ELMO1: variants seen among roughly 807,000 people sequenced by gnomAD.
ELMO1 encodes engulfment and cell motility protein 1.
In ELMO1, 26 loss-of-function variants were observed where a neutral mutation model predicts 98.9. The observed-to-expected ratio is 0.26, with a 90% CI of 0.19 to 0.36. The LOEUF is 0.36. Ranked by LOEUF, ELMO1 falls within the 10% of genes least tolerant of loss-of-function variation. ELMO1 has a pLI of 1.00. For synonymous variants in ELMO1, 346 were observed against 346.0 expected (o/e 1.00, Z 0.00); for missense variants, 627 against 935.2 (o/e 0.67, Z 4.30).
intron 10 of ELMO1, among the ~76,000 whole-genome samples, chr7:37,217,023 C>A (rs1355364497): frequency 6.6e-6 from 1 of 152,216 alleles, no homozygotes; most frequent in African/African-American, 2.4e-5. Context: ...AAAGCCTCAT[C>A]ATCTTTTATT....
intron 1 of ELMO1, among the ~76,000 whole-genome samples, chr7:37,377,244 A>C (rs534097506): frequency 2.0e-5 from 3 of 152,260 alleles, no homozygotes; most frequent in South Asian, 2.1e-4. Flanking sequence ...CTGAACCCCC[A>C]AAAATCTTAA....
intron 1 of ELMO1, among the ~76,000 whole-genome samples, chr7:37,381,362 A>AC (rs1802573029): frequency 6.6e-6 from 1 of 152,072 alleles, no homozygotes; most frequent in African/African-American, 2.4e-5. Context: ...AATTATTTAA[A>AC]CCCCCTAGAT....
At chr7:37,081,141 T>C (rs945137923) in intron 15 of ELMO1, among the ~76,000 whole-genome samples, 3 of 152,234 alleles carry the variant, frequency 2.0e-5, no homozygotes, top group Non-Finnish European at 2.9e-5. Context: ...GTGTATTTAC[T>C]GAGCAAATGT....
chr7:36,925,271 C>G (rs891558784), intron 16 of ELMO1, among the ~76,000 whole-genome samples: 2 of 152,152 alleles, frequency 1.3e-5, no homozygotes, highest in Admixed American at 6.5e-5. Flanking sequence ...TTTTATACTT[C>G]AAGGAACAAA....
At position 37,171,637 on chromosome 7, in the gene ELMO1, C is replaced by T. The variant is rs1313162107; in HGVS notation, c.1087-38403G>A. ...CATCCCGAGTAGCTGGGTCTACAGG[C>T]GCCCACCACCATGCCCAGCTAATTT... On this transcript the variant is annotated intron_variant, in intron 13 of 21. Transcript: ENST00000310758. 5.3e-5 allele frequency among the ~76,000 whole-genome samples: 8 copies of T among 151,740 alleles called. No homozygotes were observed. The South Asian group carries it at 6.2e-4, about 12-fold the overall frequency.
chr7:37,166,656 G>C (rs964647802), intron 13 of ELMO1, among the ~76,000 whole-genome samples: 2 of 152,194 alleles, frequency 1.3e-5, no homozygotes, highest in African/African-American at 2.4e-5. Context: ...TTTTGAGTGA[G>C]TTTCTTAATC....
chr7:37,357,565 C>A (rs1200022773), intron 1 of ELMO1, among the ~76,000 whole-genome samples: 1 of 152,198 alleles, frequency 6.6e-6, no homozygotes, highest in African/African-American at 2.4e-5. Flanking sequence ...AAATTTCCCC[C>A]ATTTTCAGTG....
At chr7:37,280,984 CTG>C (rs1457277138) in intron 4 of ELMO1, among the ~76,000 whole-genome samples, 1 of 146,596 alleles carries the variant, frequency 6.8e-6, no homozygotes, top group Non-Finnish European at 1.5e-5. Flanking sequence ...GATAAAGAAA[CTG>C]TGGTATATAT....
intron 15 of ELMO1, among the ~76,000 whole-genome samples, chr7:37,037,253 G>A (rs1395159047): frequency 1.3e-5 from 2 of 152,160 alleles, no homozygotes; most frequent in Admixed American, 6.5e-5. Flanking sequence ...AAGTGAGTAT[G>A]TTCAATGCCA....
intron 15 of ELMO1, among the ~76,000 whole-genome samples, chr7:37,042,722 A>G (rs1425866218): frequency 1.3e-5 from 2 of 152,310 alleles, no homozygotes; most frequent in African/African-American, 4.8e-5. Flanking sequence ...TTCCAACTGT[A>G]AAGCCTTTAC....
At chr7:37,284,226 C>G (rs1797281784) in intron 4 of ELMO1, among the ~76,000 whole-genome samples, 1 of 152,200 alleles carries the variant, frequency 6.6e-6, no homozygotes, top group Non-Finnish European at 1.5e-5. Flanking sequence ...CCCTCAACAA[C>G]TGAATGGAGG....
intron 5 of ELMO1, among the ~76,000 whole-genome samples, chr7:37,266,777 T>C (rs548004790): frequency 1.3e-5 from 2 of 151,148 alleles, no homozygotes; most frequent in African/African-American, 4.9e-5. Flanking sequence ...CTTTGGGAGG[T>C]TGAGGCGAGC....
intron 4 of ELMO1, among the ~76,000 whole-genome samples, chr7:37,293,060 T>G (rs372582997): frequency 1.3e-4 from 3 of 23,668 alleles, no homozygotes; most frequent in Non-Finnish European, 2.1e-4. Context: ...GTCAGCCCCC[T>G]GCCCGGCCAG....
chr7:37,202,405 C>T (rs1463340252), intron 13 of ELMO1, among the ~76,000 whole-genome samples: 1 of 152,174 alleles, frequency 6.6e-6, no homozygotes, highest in Non-Finnish European at 1.5e-5. Flanking sequence ...TAATGCTGTC[C>T]TTGTACTCCA....
intron 7 of ELMO1, among the ~76,000 whole-genome samples, chr7:37,243,290 TA>T (rs1186525214): frequency 1.3e-5 from 2 of 152,172 alleles, no homozygotes; most frequent in African/African-American, 4.8e-5. Context: ...GGGGAGAAAG[TA>T]AGTTTGAATC....
At chr7:36,946,349 T>A (rs955865895) in intron 16 of ELMO1, among the ~76,000 whole-genome samples, 9 of 152,182 alleles carry the variant, frequency 5.9e-5, no homozygotes, top group African/African-American at 2.2e-4. Context: ...CCCCTCCCAG[T>A]AAGTGAGAGA....
intron 4 of ELMO1, among the ~76,000 whole-genome samples, chr7:37,295,195 T>C (rs1175540799): frequency 6.6e-6 from 1 of 152,216 alleles, no homozygotes; most frequent in East Asian, 1.9e-4. Context: ...GGCTACTACT[T>C]ACCTCTGGGG....
chr7:37,162,675 T>G (rs1046667422), intron 13 of ELMO1, among the ~76,000 whole-genome samples: 1 of 152,164 alleles, frequency 6.6e-6, no homozygotes, highest in African/African-American at 2.4e-5. Flanking sequence ...AATAAATATA[T>G]GTCAAGATTT....
chr7:37,023,753 G>A (rs1794412463), intron 15 of ELMO1, among the ~76,000 whole-genome samples: 1 of 152,004 alleles, frequency 6.6e-6, no homozygotes, highest in African/African-American at 2.4e-5. Flanking sequence ...GCTAATTTTT[G>A]TATTTTTTTT....
Sources: gnomAD v4.1 joint callset for allele counts (sites outside exome capture counted in the v4.1 genomes callset) on GRCh38, gnomAD v4.1.1 for gene constraint, MANE v1.5 for transcripts, NCBI Gene and HGNC (gene_info 2026-07-23, HGNC 2026-07-21) for gene names.